CDH19: variants seen among roughly 807,000 people sequenced by gnomAD.
The protein encoded by CDH19 is cadherin 19.
A neutral mutation model predicts 64.2 loss-of-function variants in CDH19; 67 were observed. The observed-to-expected ratio is 1.04, with a 90% CI of 0.86 to 1.28. The LOEUF (loss-of-function observed/expected upper bound fraction) is 1.28. Among genes scored for constraint, CDH19 ranks in the 50% most tolerant of loss-of-function variants. The pLI, the probability that CDH19 is intolerant of heterozygous loss-of-function variation, is 0.00. For missense variants in CDH19, 1,030 were observed against 929.0 expected (o/e 1.11, Z -1.41); for synonymous variants, 346 against 319.3 (o/e 1.08, Z -0.89).
chr18:66,573,041 T>C (rs1988155352), intron 1 of CDH19, among the ~76,000 whole-genome samples: 1 of 151,720 alleles, frequency 6.6e-6, no homozygotes, highest in Admixed American at 6.6e-5. Context: ...TCTTCTAGTA[T>C]TTAAATATTA....
intron 3 of CDH19, among the ~76,000 whole-genome samples, chr18:66,556,324 A>G (rs1987517007): frequency 6.6e-6 from 1 of 151,740 alleles, no homozygotes; most frequent in Non-Finnish European, 1.5e-5. Context: ...CAAATATAAT[A>G]CAATATTATT....
intron 9 of CDH19, among the ~76,000 whole-genome samples, chr18:66,521,372 A>C (rs894988155): frequency 6.6e-6 from 1 of 152,184 alleles, no homozygotes; most frequent in African/African-American, 2.4e-5. Context: ...TAAGTCATTT[A>C]CTACATCAAC....
rs1257884746 is a variant in CDH19, at chr18:66,504,465, CG to C, written c.*346del. 7.8e-5 allele frequency: 14 copies of C among 180,602 alleles called. No homozygotes were observed. Among genetic ancestry groups the C allele is most frequent in the Non-Finnish European group, 1.5e-4 (13 of 87,610 alleles). 11.2% of individuals were successfully genotyped at this position (180,602 alleles called of 1,614,324 possible). On this transcript the variant is annotated 3_prime_UTR_variant, in exon 12 of 12. Transcript: ENST00000262150. ...AAATTTTTGCTCCTTTAAATTTTCT[CG>C]TTTGGTATTTTTACTCTTTCCTAAG...
intron 9 of CDH19, among the ~76,000 whole-genome samples, chr18:66,524,644 G>T (rs1373182328): frequency 1.3e-5 from 2 of 149,740 alleles, no homozygotes; most frequent in Non-Finnish European, 3.0e-5. Flanking sequence ...TAAAAATAAA[G>T]AGTACTCTAG....
intron 10 of CDH19, among the ~76,000 whole-genome samples, chr18:66,511,314 CT>C (rs1315577684): frequency 6.6e-6 from 1 of 151,022 alleles, no homozygotes. Flanking sequence ...GTCATTCAGA[CT>C]TTACAAGAGC....
intron 9 of CDH19, among the ~76,000 whole-genome samples, chr18:66,516,714 A>T (rs927755319): frequency 2.6e-5 from 4 of 152,054 alleles, no homozygotes; most frequent in Non-Finnish European, 5.9e-5. Flanking sequence ...AGATTGGATG[A>T]AGGAAAGTTT....
intron 1 of CDH19, among the ~76,000 whole-genome samples, chr18:66,582,435 AG>A (rs1272182750): frequency 1.3e-5 from 2 of 152,058 alleles, no homozygotes; most frequent in African/African-American, 4.8e-5. Flanking sequence ...CAGAACCACT[AG>A]TATGAAATAT....
chr18:66,579,580 A>G (rs531316497), intron 1 of CDH19, among the ~76,000 whole-genome samples: 23 of 152,120 alleles, frequency 1.5e-4, no homozygotes, highest in African/African-American at 5.5e-4. Flanking sequence ...ATCTACCACA[A>G]AATTGATCTA....
At chr18:66,506,976 G>T (rs1045753335) in intron 11 of CDH19, among the ~76,000 whole-genome samples, 1 of 151,806 alleles carries the variant, frequency 6.6e-6, no homozygotes, top group Non-Finnish European at 1.5e-5. Context: ...ATCTGAATTG[G>T]AGATAAACAT....
At chr18:66,511,802 A>G (rs1985504549) in intron 9 of CDH19, 117 bp from the exon 10 acceptor site, 1 of 656,724 alleles carries the variant, frequency 1.5e-6, no homozygotes, top group African/African-American at 1.9e-5. Context: ...GGGACATTGC[A>G]GAAAATAACT....
Position 66,581,059 on chromosome 18 carries a change from C to A in CDH19, c.-112-8743G>T, listed in dbSNP as rs957417620. On this transcript the variant is annotated intron_variant, in intron 1 of 11. Transcript: ENST00000262150. ...TGGCATTTTGCCCTGCATTTCCAAT[C>A]TTGTTTATATTTTCCAATCAGATGA... 2.0e-5 allele frequency among the ~76,000 whole-genome samples: 3 copies of A among 152,032 alleles called. No homozygotes were observed. In the East Asian group the frequency reaches 5.8e-4, roughly 29 times the overall value.
intron 1 of CDH19, among the ~76,000 whole-genome samples, chr18:66,576,434 A>T (rs1021013697): frequency 6.6e-6 from 1 of 151,570 alleles, no homozygotes; most frequent in East Asian, 1.9e-4. Flanking sequence ...TAGCAGTGAT[A>T]AATAATATCA....
chr18:66,543,894 AG>A, intron 7 of CDH19, 76 bp downstream of exon 7: 2 of 1,114,522 alleles, frequency 1.8e-6, no homozygotes, highest in African/African-American at 3.2e-5. Flanking sequence ...ATTAAAAAAA[AG>A]ATTGCATGCA....
In CDH19 at chr18:66,505,223, C is replaced by A. The variant is rs1365141706; in HGVS notation, c.1908G>T (p.Glu636Asp). The A allele has an allele frequency of 3.1e-6, 5 of 1,608,236 alleles. No homozygotes were observed. The Admixed American group carries it at 5.1e-5, about 17-fold the overall frequency. ...LFPEKSEDFRENIFQYDDEGG... is the reference protein window; with the variant it reads ...LFPEKSEDFRDNIFQYDDEGG... ...CTTCATCATCATATTGGAATATATT[C>A]TCTCTGAAATCTTCACTTTTCTCAG... is the stretch of plus-strand genomic sequence containing the variant. Residue 636 changes from glutamate to aspartate, a missense_variant, in exon 12 of 12, where the codon GAG becomes GAT. Glu to Asp is a conservative substitution (Grantham distance 45). Transcript: ENST00000262150.
intron 7 of CDH19, among the ~76,000 whole-genome samples, chr18:66,543,225 T>C (rs916932402): frequency 1.3e-5 from 2 of 152,006 alleles, no homozygotes; most frequent in Admixed American, 6.6e-5. Flanking sequence ...AGACGGGGTT[T>C]CACATGTTAG....
At position 66,501,583 on chromosome 18, in the gene CDH19, G is replaced by C. The variant is rs985978787; in HGVS notation, c.*3229C>G. On this transcript the variant is annotated 3_prime_UTR_variant, in exon 12 of 12. Coordinates refer to ENST00000262150, the MANE Select transcript of CDH19 (RefSeq NM_021153.4). ...AGTTGACTTTTATTTTCAATGTGCC[G>C]TGAGGCTGTTGAGATCACTCAGAAT... 1 of 152,158 alleles carries C rather than the reference G, an allele frequency of 6.6e-6. No individual in the cohort carries two copies. Among genetic ancestry groups the C allele is most frequent in the Non-Finnish European group, 1.5e-5 (1 of 68,052 alleles). The allele number at this position is 152,158 out of a possible 1,614,324, so 9.4% of individuals were successfully genotyped here. A position where few individuals can be genotyped will look rare whatever the true frequency, so the allele number is the denominator to read the frequency against.
intron 1 of CDH19, among the ~76,000 whole-genome samples, chr18:66,600,329 A>G (rs1345828623): frequency 6.6e-6 from 1 of 151,784 alleles, no homozygotes; most frequent in Non-Finnish European, 1.5e-5. Context: ...CTAAAGTTCT[A>G]ATGTTTTGTT....
chr18:66,597,462 T>C (rs1280425874), intron 1 of CDH19, among the ~76,000 whole-genome samples: 1 of 152,062 alleles, frequency 6.6e-6, no homozygotes, highest in Non-Finnish European at 1.5e-5. Flanking sequence ...CAGTACAGAT[T>C]AAATACTTAA....
At chr18:66,508,513 T>C (rs1311548066) in intron 11 of CDH19, among the ~76,000 whole-genome samples, 2 of 151,824 alleles carry the variant, frequency 1.3e-5, no homozygotes, top group African/African-American at 4.8e-5. Context: ...TGACCCTTCA[T>C]AAAGCACAAA....
Sources: allele counts gnomAD v4.1 joint callset (sites outside exome capture counted in the v4.1 genomes callset), GRCh38; gene constraint gnomAD v4.1.1; transcripts MANE v1.5; gene names NCBI Gene and HGNC (gene_info 2026-07-23, HGNC 2026-07-21).